CCDC91: variants seen among roughly 807,000 people sequenced by gnomAD.
CCDC91 encodes coiled-coil domain containing 91.
CCDC91 carries 48 observed loss-of-function variants against 63.2 expected under a neutral mutation model. The observed-to-expected ratio is 0.76, with a 90% CI of 0.60 to 0.97. The LOEUF (loss-of-function observed/expected upper bound fraction) is 0.97, where lower values mean the gene tolerates loss of function less well. Among genes scored for constraint, CCDC91 ranks in the 50% least tolerant of loss-of-function variants. The pLI is 0.00. For synonymous variants in CCDC91, 167 were observed against 165.8 expected (o/e 1.01, Z -0.06); for missense variants, 500 against 494.6 (o/e 1.01, Z -0.10).
chr12:28,262,685 G>A (rs1467615811), intron 3 of CCDC91, among the ~76,000 whole-genome samples: 1 of 151,914 alleles, frequency 6.6e-6, no homozygotes, highest in African/African-American at 2.4e-5. Flanking sequence ...AAATGTGCAT[G>A]CTGATGCTTT....
chr12:28,326,047 T>C (rs1474945326), intron 6 of CCDC91, among the ~76,000 whole-genome samples: 1 of 152,148 alleles, frequency 6.6e-6, no homozygotes, highest in East Asian at 1.9e-4. Flanking sequence ...CCTTTATAGT[T>C]GAGGCATATA....
At chr12:28,228,975 A>C (rs1208415724) in intron 1 of CCDC91, among the ~76,000 whole-genome samples, 2 of 152,148 alleles carry the variant, frequency 1.3e-5, no homozygotes, top group Non-Finnish European at 2.9e-5. Context: ...TTCAAAGGAT[A>C]GTACAACATA....
At chr12:28,527,626 G>T (rs769723775) in intron 12 of CCDC91, among the ~76,000 whole-genome samples, 6 of 152,114 alleles carry the variant, frequency 3.9e-5, no homozygotes, top group Non-Finnish European at 8.8e-5. Flanking sequence ...GGGAGTATGG[G>T]GGGGGAACAT....
chr12:28,273,943 A>G lies in CCDC91; in HGVS notation c.109+14501A>G, dbSNP rs943642528. ...GCCTATGTCCTGAAGGGTATTGCCT[A>G]GGTTTTCTTCTAGGGTTTTTATGGT... is the stretch of plus-strand genomic sequence containing the variant. On this transcript the variant is annotated intron_variant, in intron 3 of 12. Coordinates refer to ENST00000536442, the MANE Select transcript of CCDC91 (RefSeq NM_018318.5). Among the ~76,000 whole-genome samples the G allele has an allele frequency of 5.1e-4, 77 of 152,250 alleles. 1 individual carries two copies. Among genetic ancestry groups the G allele is most frequent in the African/African-American group, 1.8e-3 (74 of 41,552 alleles).
intron 6 of CCDC91, among the ~76,000 whole-genome samples, chr12:28,353,000 A>C (rs1943282550): frequency 6.6e-6 from 1 of 152,238 alleles, no homozygotes. Flanking sequence ...TCTGCATTGC[A>C]GATCTGTTGT....
chr12:28,520,230 C>G (rs1012655309), intron 12 of CCDC91, among the ~76,000 whole-genome samples: 2 of 152,108 alleles, frequency 1.3e-5, no homozygotes, highest in Non-Finnish European at 2.9e-5. Context: ...TCTCCAGCAC[C>G]TGTTGTTTCC....
At chr12:28,363,713 T>G (rs1305407476) in intron 7 of CCDC91, among the ~76,000 whole-genome samples, 4 of 151,250 alleles carry the variant, frequency 2.6e-5, no homozygotes, top group Non-Finnish European at 5.9e-5. Context: ...CCGTCTCTAT[T>G]AATAATACAA....
At chr12:28,394,932 A>G (rs1392387027) in intron 8 of CCDC91, among the ~76,000 whole-genome samples, 2 of 152,154 alleles carry the variant, frequency 1.3e-5, no homozygotes, top group East Asian at 3.9e-4. Flanking sequence ...TATGTATTAT[A>G]TGACATCAGA....
At chr12:28,195,211 AC>A (rs1941664242) in intron 1 of CCDC91, among the ~76,000 whole-genome samples, 1 of 151,818 alleles carries the variant, frequency 6.6e-6, no homozygotes, top group South Asian at 2.1e-4. Context: ...GCATTTACAA[AC>A]CTTTAGCTAG....
intron 8 of CCDC91, among the ~76,000 whole-genome samples, chr12:28,406,122 G>A (rs1946924091): frequency 2.0e-5 from 3 of 152,088 alleles, no homozygotes; most frequent in Non-Finnish European, 4.4e-5. Flanking sequence ...TACATGTGCA[G>A]GATGTGCAGG....
At chr12:28,480,912 A>G (rs1465169351) in intron 11 of CCDC91, among the ~76,000 whole-genome samples, 1 of 152,048 alleles carries the variant, frequency 6.6e-6, no homozygotes, top group Non-Finnish European at 1.5e-5. Context: ...GATTACTGAA[A>G]TGTATAGTAG....
chr12:28,202,749 A>G (rs1942560534), intron 1 of CCDC91, among the ~76,000 whole-genome samples: 2 of 152,238 alleles, frequency 1.3e-5, no homozygotes, highest in Admixed American at 1.3e-4. Flanking sequence ...GAGTACTTGC[A>G]TGAGCTTGGC....
chr12:28,405,548 T>A (rs1268827819), intron 8 of CCDC91, among the ~76,000 whole-genome samples: 1 of 152,214 alleles, frequency 6.6e-6, no homozygotes, highest in Non-Finnish European at 1.5e-5. Flanking sequence ...TACTTTTTCT[T>A]TGGCCAGATC....
At chr12:28,544,488 G>A (rs1210438682) in intron 12 of CCDC91, among the ~76,000 whole-genome samples, 5 of 151,856 alleles carry the variant, frequency 3.3e-5, no homozygotes, top group Non-Finnish European at 7.4e-5. Flanking sequence ...AAAATATGTA[G>A]GAGTGTAAGT....
At position 28,519,672 on chromosome 12, in the gene CCDC91, A is replaced by G. The variant is rs932480737; in HGVS notation, c.1216-29391A>G. ...GCCATGTTGGTGTGCTGCACCCATTAACTCATCATTTACATTAGGTATATC... is the reference window on the plus strand; with the variant it reads ...GCCATGTTGGTGTGCTGCACCCATTGACTCATCATTTACATTAGGTATATC... On this transcript the variant is annotated intron_variant, in intron 12 of 12. Transcript: ENST00000536442. 5.2e-4 allele frequency among the ~76,000 whole-genome samples: 78 copies of G among 149,218 alleles called. 1 individual carries two copies. The highest frequency in any genetic ancestry group is 1.8e-3 in the African/African-American group (75 of 40,600).
intron 1 of CCDC91, among the ~76,000 whole-genome samples, chr12:28,243,654 TATAAC>T (rs1427098980): frequency 1.3e-5 from 2 of 152,070 alleles, no homozygotes; most frequent in African/African-American, 4.8e-5. Flanking sequence ...AAAAGAGATA[TATAAC>T]ATAAATCAGA....
intron 6 of CCDC91, among the ~76,000 whole-genome samples, chr12:28,332,604 G>C (rs1488578293): frequency 1.3e-5 from 2 of 152,110 alleles, no homozygotes; most frequent in African/African-American, 4.8e-5. Flanking sequence ...ATATTTTGTG[G>C]AAGTTAATAA....
rs572699059 is a variant in CCDC91, at chr12:28,349,895, T to C, written c.577-12543T>C. Reference sequence around the variant, plus strand: ...ATGGTAGAAGTGATCTGGGGAGGACTACAAATTAAGCAAACTTTCAGGCAA... The same window carrying C: ...ATGGTAGAAGTGATCTGGGGAGGACCACAAATTAAGCAAACTTTCAGGCAA... On this transcript the variant is annotated intron_variant, in intron 6 of 12. Coordinates refer to ENST00000536442, the MANE Select transcript of CCDC91 (RefSeq NM_018318.5). 7.4e-4 allele frequency among the ~76,000 whole-genome samples: 112 copies of C among 152,248 alleles called. 1 individual carries two copies. The highest frequency in any genetic ancestry group is 3.4e-3 in the Middle Eastern group (1 of 294).
chr12:28,377,347 A>G (rs970283532), intron 7 of CCDC91, among the ~76,000 whole-genome samples: 2 of 151,850 alleles, frequency 1.3e-5, no homozygotes, highest in Non-Finnish European at 1.5e-5. Context: ...ATTATACCAC[A>G]TAGGAAAAGT....
Sources: allele counts gnomAD v4.1 joint callset (sites outside exome capture counted in the v4.1 genomes callset), GRCh38; gene constraint gnomAD v4.1.1; transcripts MANE v1.5; gene names NCBI Gene and HGNC (gene_info 2026-07-23, HGNC 2026-07-21).